The following CELSR1 variants were observed in gnomAD, a reference collection of about 807,000 sequenced individuals.
CELSR1 encodes cadherin EGF LAG seven-pass G-type receptor 1, also known as adhesion G protein-coupled receptor C1.
Under a neutral mutation model 249.1 loss-of-function variants are expected in CELSR1, and 110 were observed. The observed-to-expected ratio is 0.44, with a 90% CI of 0.38 to 0.52. The LOEUF is 0.52. CELSR1 is among the 20% of genes least tolerant of loss of function. The pLI, the probability that CELSR1 is intolerant of heterozygous loss-of-function variation, is 0.00. For missense variants in CELSR1, 4,109 were observed against 4,296.4 expected (o/e 0.96, Z 1.22); for synonymous variants, 2,113 against 1,900.0 (o/e 1.11, Z -2.92).
chr22:46,461,924 C>A (rs1231256704), intron 2 of CELSR1, among the ~76,000 whole-genome samples: 1 of 152,210 alleles, frequency 6.6e-6, no homozygotes, highest in Non-Finnish European at 1.5e-5. Context: ...GGCAGAGCAG[C>A]CCACTCAAGG....
At position 46,361,558 on chromosome 22, in the gene CELSR1, C is replaced by G. The variant is rs186657078; in HGVS notation, c.*1665G>C. 2 of 152,168 alleles carry G rather than the reference C, an allele frequency of 1.3e-5. No homozygotes were observed. Among genetic ancestry groups the G allele is most frequent in the African/African-American group, 4.8e-5 (2 of 41,428 alleles). The allele number at this position is 152,168 out of a possible 1,614,324, so 9.4% of individuals were successfully genotyped here. A position where few individuals can be genotyped will look rare whatever the true frequency, so the allele number is the denominator to read the frequency against. Reference sequence around the variant, plus strand: ...TAAAGGGACTAGAGTTTTTTATCTTCGAAAGACCACTCACCTGGTAAGGCA... The same window carrying G: ...TAAAGGGACTAGAGTTTTTTATCTTGGAAAGACCACTCACCTGGTAAGGCA... On this transcript the variant is annotated 3_prime_UTR_variant, in exon 35 of 35. Coordinates refer to ENST00000674500, the MANE Select transcript of CELSR1 (RefSeq NM_001378328.1).
intron 1 of CELSR1, among the ~76,000 whole-genome samples, chr22:46,514,149 C>G (rs1266857152): frequency 6.6e-6 from 1 of 152,014 alleles, no homozygotes; most frequent in Non-Finnish European, 1.5e-5. Context: ...TTCTCACATC[C>G]CAGCACCCAC....
chr22:46,531,608 G>A (rs993129876), intron 1 of CELSR1, among the ~76,000 whole-genome samples: 5 of 152,212 alleles, frequency 3.3e-5, no homozygotes, highest in South Asian at 2.1e-4. Context: ...TGCGAAGAGC[G>A]GGCTGCTTTC....
At chr22:46,475,659 T>TGGG (rs11386552) in intron 1 of CELSR1, among the ~76,000 whole-genome samples, 13,445 of 148,284 alleles carry the variant, frequency 0.091, 676 homozygotes, top group Admixed American at 0.12. Flanking sequence ...AAGAAACGAA[T>TGGG]GGGGGGGGAA....
chr22:46,485,214 G>A (rs1240014308), intron 1 of CELSR1, among the ~76,000 whole-genome samples: 1 of 151,940 alleles, frequency 6.6e-6, no homozygotes, highest in Non-Finnish European at 1.5e-5. Flanking sequence ...ATTTCTTTCA[G>A]GCCTCTCTCC....
At chr22:46,505,709 G>A (rs1035920528) in intron 1 of CELSR1, among the ~76,000 whole-genome samples, 1 of 152,162 alleles carries the variant, frequency 6.6e-6, no homozygotes, top group African/African-American at 2.4e-5. Context: ...CACAGAAATG[G>A]TGTATATGTT....
Position 46,500,315 on chromosome 22 carries a change from C to T in CELSR1, c.3544+33312G>A, listed in dbSNP as rs550190581. On this transcript the variant is annotated intron_variant, in intron 1 of 34. Transcript: ENST00000674500. The surrounding 1 kb of genome is among the most constrained non-coding windows in gnomAD (Gnocchi z 4.9). ...TTTTCAGCACCGCGCTAGGTTTTAA[C>T]TGCCTGCTGGAGATGACCTTTTATA... Among the ~76,000 whole-genome samples the T allele has an allele frequency of 2.0e-5, 3 of 152,354 alleles. No individual in the cohort carries two copies. The South Asian group carries it at 6.2e-4, about 32-fold the overall frequency.
chr22:46,499,448 T>G, intron 1 of CELSR1, among the ~76,000 whole-genome samples: 1 of 152,318 alleles, frequency 6.6e-6, no homozygotes, highest in East Asian at 1.9e-4. Context: ...TGTGAGGACA[T>G]AGACGAACAG....
chr22:46,380,566 C>T lies in CELSR1; in HGVS notation c.7256+222G>A, dbSNP rs992190731. Reference sequence around the variant, plus strand: ...GTGCGCCTGCACATCTGTATCTCCACGTGCAGGTCTGTGTGCATCTGTGTG... The same window carrying T: ...GTGCGCCTGCACATCTGTATCTCCATGTGCAGGTCTGTGTGCATCTGTGTG... On this transcript the variant is annotated intron_variant, in intron 22 of 34. Coordinates refer to ENST00000674500, the MANE Select transcript of CELSR1 (RefSeq NM_001378328.1). The surrounding 1 kb of genome is among the most constrained non-coding windows in gnomAD (Gnocchi z 5.1). 4.6e-5 allele frequency among the ~76,000 whole-genome samples: 7 copies of T among 152,232 alleles called. No individual in the cohort carries two copies. Among genetic ancestry groups the T allele is most frequent in the South Asian group, 4.1e-4 (2 of 4,836 alleles).
intron 18 of CELSR1, among the ~76,000 whole-genome samples, chr22:46,387,149 A>C (rs1490331703): frequency 2.0e-5 from 3 of 152,262 alleles, no homozygotes; most frequent in Non-Finnish European, 4.4e-5. Flanking sequence ...TAGAGAATTA[A>C]AGATGCTTCA....
At chr22:46,513,140 ACTGGGGACAATACAC>A (rs1249662032) in intron 1 of CELSR1, among the ~76,000 whole-genome samples, 1 of 152,162 alleles carries the variant, frequency 6.6e-6, no homozygotes, top group African/African-American at 2.4e-5. Context: ...AAATCACGCG[ACTGGGGACAATACAC>A]CTGGGGACTA....
chr22:46,499,546 T>G (rs1400985359), intron 1 of CELSR1, among the ~76,000 whole-genome samples: 1 of 152,100 alleles, frequency 6.6e-6, no homozygotes, highest in Non-Finnish European at 1.5e-5. Flanking sequence ...ACACGATAAA[T>G]CCATCCAATT....
rs1470383535 is a variant in CELSR1, at chr22:46,394,215, C to G, written c.5891G>C (p.Gly1964Ala). 8 of 1,613,830 alleles carry G rather than the reference C, an allele frequency of 5.0e-6. No individual in the cohort carries two copies. Among genetic ancestry groups the G allele is most frequent in the Admixed American group, 1.7e-5 (1 of 60,024 alleles). ...PRGWWGNPVCGPCHCAVSKGF... is the reference protein window; with the variant it reads ...PRGWWGNPVCAPCHCAVSKGF... ...TTTGCTGACGGCACAGTGGCAGGGT[C>G]CACAGACGGGGTTCCCCCACCAGCC... The change falls in exon 14 of 35, where the codon GGA becomes GCA. Residue 1964 changes from glycine (G) to alanine (A), a missense_variant. By Grantham distance (60) the Gly-to-Ala change is moderately conservative (BLOSUM62 0). Around this residue, in one of 7 missense-constraint regions of CELSR1, gnomAD observed 1,805 missense variants for 1,831.6 expected, o/e 0.99. Coordinates refer to ENST00000674500, the MANE Select transcript of CELSR1 (RefSeq NM_001378328.1).
intron 18 of CELSR1, among the ~76,000 whole-genome samples, chr22:46,388,674 C>T (rs1348409013): frequency 5.9e-5 from 9 of 152,328 alleles, no homozygotes; most frequent in South Asian, 4.1e-4. Context: ...AGAGCCACAA[C>T]GAAACTTCTG....
At position 46,380,095 on chromosome 22, in the gene CELSR1, G is replaced by C. The variant is rs538706077; in HGVS notation, c.7256+693C>G. On this transcript the variant is annotated intron_variant, in intron 22 of 34. Coordinates refer to ENST00000674500, the MANE Select transcript of CELSR1 (RefSeq NM_001378328.1). This position sits in a 1 kb window ranked among gnomAD's most constrained non-coding sequence, Gnocchi z 5.1. Reference sequence around the variant, plus strand: ...GCACAAACACTACTGGCTCCCAGCAGACGGGAGCCACACTGTGGTGCTGAA... The same window carrying C: ...GCACAAACACTACTGGCTCCCAGCACACGGGAGCCACACTGTGGTGCTGAA... Among the ~76,000 whole-genome samples the C allele has an allele frequency of 1.2e-4, 18 of 152,362 alleles. No individual in the cohort carries two copies. The highest frequency in any genetic ancestry group is 4.1e-4 in the African/African-American group (17 of 41,582).
chr22:46,377,269 C>T lies in CELSR1; in HGVS notation c.7384-8G>A. On this transcript the variant is annotated splice_region_variant and splice_polypyrimidine_tract_variant and intron_variant, in intron 23 of 34. Transcript: ENST00000674500. ...AGGCAGGACCTCCCCGTTCTATGGG[C>T]AGGAGGGTTAAAGGCAGGAGAGAAG... The T allele has an allele frequency of 6.2e-7, 1 of 1,613,538 alleles. No homozygotes were observed. The highest frequency in any genetic ancestry group is 8.5e-7 in the Non-Finnish European group (1 of 1,179,824).
chr22:46,433,589 C>T lies in CELSR1; in HGVS notation c.4523-108G>A, dbSNP rs770573299. ...AGGGGGAGACAGGTGCACATGGCCACGTCCTCCCTCCCCTCCCCACGGCAC... is the reference window on the plus strand; with the variant it reads ...AGGGGGAGACAGGTGCACATGGCCATGTCCTCCCTCCCCTCCCCACGGCAC... On this transcript the variant is annotated intron_variant, in intron 4 of 34. Coordinates refer to ENST00000674500, the MANE Select transcript of CELSR1 (RefSeq NM_001378328.1). The surrounding 1 kb of genome is among the most constrained non-coding windows in gnomAD (Gnocchi z 5.7). 67 of 743,060 alleles carry T rather than the reference C, an allele frequency of 9.0e-5. No individual in the cohort carries two copies. The highest frequency in any genetic ancestry group is 1.3e-4 in the Non-Finnish European group (56 of 436,286). 46.0% of individuals were successfully genotyped at this position (743,060 alleles called of 1,614,324 possible).
chr22:46,535,936 C>T lies in CELSR1; in HGVS notation c.1235G>A (p.Arg412Gln). 6.2e-7 allele frequency: 1 copy of T among 1,610,010 alleles called. No individual in the cohort carries two copies. The highest frequency in any genetic ancestry group is 8.5e-7 in the Non-Finnish European group (1 of 1,179,798). Residue 412 changes from arginine (R) to glutamine (Q), a missense_variant, in exon 1 of 35, where the codon CGG becomes CAG. Around this residue, in one of 7 missense-constraint regions of CELSR1, gnomAD observed 673 missense variants for 636.8 expected, o/e 1.06. Coordinates refer to ENST00000674500, the MANE Select transcript of CELSR1 (RefSeq NM_001378328.1). ...CGCCTCCTCCCGGTCCAGCACCGCC[C>T]GTGTGCTCACCACGCCAGAGCTCTC... ...LNESSGVVST[R>Q]AVLDREEAAE...
At chr22:46,367,602 G>A in intron 28 of CELSR1, 127 bp downstream of exon 28, 1 of 1,325,710 alleles carries the variant, frequency 7.5e-7, no homozygotes, top group South Asian at 1.4e-5. Flanking sequence ...CACAGCCACA[G>A]GAGGCCCCCA....
Sources: gnomAD v4.1 joint callset for allele counts (sites outside exome capture counted in the v4.1 genomes callset) on GRCh38, gnomAD v4.1.1 for gene constraint, gnomAD v4.1.1 regional missense constraint, Gnocchi (gnomAD v3.1) non-coding constraint, MANE v1.5 for transcripts, NCBI Gene and HGNC (gene_info 2026-07-23, HGNC 2026-07-21) for gene names.